The following CDYL variants were observed in gnomAD, a reference collection of about 807,000 sequenced individuals.
CDYL encodes chromodomain Y-like protein.
A neutral mutation model predicts 47.3 loss-of-function variants in CDYL; 8 were observed. The ratio of observed to expected loss-of-function variants is 0.17; its 90% CI spans 0.10 to 0.31. CDYL has a LOEUF of 0.31. CDYL is among the 10% of genes least tolerant of loss of function. The pLI, the probability that CDYL is intolerant of heterozygous loss-of-function variation, is 1.00. For synonymous variants in CDYL, 266 were observed against 265.0 expected (o/e 1.00, Z -0.04); for missense variants, 471 against 701.4 (o/e 0.67, Z 3.71).
At chr6:4,907,402 G>A (rs954708171) in intron 2 of CDYL, among the ~76,000 whole-genome samples, 5 of 152,144 alleles carry the variant, frequency 3.3e-5, no homozygotes, top group South Asian at 2.1e-4. Context: ...TCTCATCCAG[G>A]CTGGAGTACA....
chr6:4,757,598 A>G lies in CDYL; in HGVS notation c.186+22754A>G, dbSNP rs191662347. On this transcript the variant is annotated intron_variant, in intron 3 of 8. Transcript: ENST00000328908. ...TGTAACTTACTACTGCAGACCCAAT[A>G]TGAGAATTCAACTCTATTAACTCTC... is the stretch of plus-strand genomic sequence containing the variant. 3.6e-4 allele frequency among the ~76,000 whole-genome samples: 55 copies of G among 152,360 alleles called. No individual in the cohort carries two copies. The South Asian group carries it at 5.0e-3, about 14-fold the overall frequency.
Position 4,852,499 on chromosome 6 carries a change from CCTTCCTTCCTTCCAAT to C in CDYL, c.25-39200_25-39185del, listed in dbSNP as rs1351363055. On this transcript the variant is annotated intron_variant, in intron 1 of 6. Transcript: ENST00000397588. ...TCCTTCCTTCCTTCCTTCCAATCTTCCTTCCTTCCTTCCAATCTTCCTTCCTTCCTTCCAATCTTCC... is the reference window on the plus strand; with the variant it reads ...TCCTTCCTTCCTTCCTTCCAATCTTCCTTCCTTCCTTCCTTCCAATCTTCC... 3.9e-3 allele frequency among the ~76,000 whole-genome samples: 450 copies of C among 115,510 alleles called. 39 individuals carry two copies. Among genetic ancestry groups the C allele is most frequent in the African/African-American group, 0.015 (397 of 26,426 alleles). 75.8% of individuals were successfully genotyped at this position (115,510 alleles called of 152,430 possible).
In CDYL at chr6:4,825,889, T is replaced by G. The variant is rs115643014; in HGVS notation, c.24+49082T>G. On this transcript the variant is annotated intron_variant, in intron 1 of 6. Transcript: ENST00000397588. ...AAAGAGAGTCACCTGACACACATCTTCCTAGCTGAGACTGCCCATAACAAC... is the reference window on the plus strand; with the variant it reads ...AAAGAGAGTCACCTGACACACATCTGCCTAGCTGAGACTGCCCATAACAAC... Among the ~76,000 whole-genome samples, 742 of 150,784 alleles carry G rather than the reference T, an allele frequency of 4.9e-3. 5 individuals carry two copies. Among genetic ancestry groups the G allele is most frequent in the African/African-American group, 0.017 (691 of 41,064 alleles).
intron 1 of CDYL, among the ~76,000 whole-genome samples, chr6:4,805,006 G>A (rs1475980246): frequency 6.6e-6 from 1 of 152,076 alleles, no homozygotes; most frequent in African/African-American, 2.4e-5. Flanking sequence ...CATGGTTAAC[G>A]GTGTTAGCTA....
chr6:4,721,923 C>T (rs1353985289), intron 2 of CDYL, among the ~76,000 whole-genome samples: 7 of 151,640 alleles, frequency 4.6e-5, no homozygotes, highest in Non-Finnish European at 1.0e-4. Flanking sequence ...AATGCAGTAG[C>T]GTGATTTCGG....
intron 3 of CDYL, among the ~76,000 whole-genome samples, chr6:4,753,113 T>G (rs1758023503): frequency 6.6e-6 from 1 of 152,100 alleles, no homozygotes; most frequent in Admixed American, 6.6e-5. Context: ...GGTTTTGCCA[T>G]GTAGCTCGGG....
upstream of CDYL, among the ~76,000 whole-genome samples, chr6:4,772,656 C>T (rs959877090): frequency 3.9e-5 from 6 of 152,258 alleles, no homozygotes; most frequent in East Asian, 9.6e-4. Flanking sequence ...ATGACAAGAA[C>T]GGCATTTAAT....
At chr6:4,904,933 G>A (rs939275285) in intron 2 of CDYL, among the ~76,000 whole-genome samples, 2 of 152,084 alleles carry the variant, frequency 1.3e-5, no homozygotes, top group Non-Finnish European at 2.9e-5. Flanking sequence ...CACTGAAATG[G>A]AGGTGTTTAA....
intron 1 of CDYL, among the ~76,000 whole-genome samples, chr6:4,814,446 CAA>C (rs1307760244): frequency 6.6e-5 from 10 of 152,130 alleles, no homozygotes; most frequent in African/African-American, 2.2e-4. Flanking sequence ...TAACTTATAA[CAA>C]GAGGAAGTTC....
At chr6:4,739,096 G>A (rs746586597) in intron 3 of CDYL, among the ~76,000 whole-genome samples, 52 of 152,092 alleles carry the variant, frequency 3.4e-4, no homozygotes, top group African/African-American at 1.2e-3. Context: ...GGGAGGCGGA[G>A]GTTGCAGTGA....
chr6:4,898,477 C>G (rs947885589), intron 2 of CDYL, among the ~76,000 whole-genome samples: 2 of 152,158 alleles, frequency 1.3e-5, no homozygotes, highest in African/African-American at 4.8e-5. Context: ...CTTGCTTATT[C>G]TTTTCAAGAG....
intron 2 of CDYL, among the ~76,000 whole-genome samples, chr6:4,897,790 G>GTTTTGTTTTTT (rs75519192): frequency 0.063 from 8,771 of 140,160 alleles, 371 homozygotes; most frequent in Non-Finnish European, 0.086. Context: ...GAAGGTTTTT[G>GTTTTGTTTTTT]TTTTTTTTTT....
At chr6:4,933,131 G>A (rs761651881) in intron 2 of CDYL, among the ~76,000 whole-genome samples, 10 of 152,230 alleles carry the variant, frequency 6.6e-5, no homozygotes, top group Non-Finnish European at 8.8e-5. Context: ...CTCTGCCTGC[G>A]CCCCTCCCCA....
chr6:4,723,789 C>G (rs959345273), intron 2 of CDYL, among the ~76,000 whole-genome samples: 1 of 152,166 alleles, frequency 6.6e-6, no homozygotes, highest in East Asian at 1.9e-4. Flanking sequence ...ACTTAAAAAT[C>G]TAAGGGAAAC....
chr6:4,884,813 T>C lies in CDYL; in HGVS notation c.25-6900T>C, dbSNP rs550608095. Reference sequence around the variant, plus strand: ...ACCTGACTGTCTTTGTATTGCCCTGTAGGAATTACAGGCTCAGGTAACCGG... The same window carrying C: ...ACCTGACTGTCTTTGTATTGCCCTGCAGGAATTACAGGCTCAGGTAACCGG... On this transcript the variant is annotated intron_variant, in intron 1 of 6. Coordinates refer to ENST00000397588, the MANE Select transcript of CDYL (RefSeq NM_004824.4). Among the ~76,000 whole-genome samples, 7 of 152,266 alleles carry C rather than the reference T, an allele frequency of 4.6e-5. No homozygotes were observed. In the South Asian group the frequency reaches 1.5e-3, roughly 32 times the overall value.
intron 2 of CDYL, among the ~76,000 whole-genome samples, chr6:4,910,845 T>C (rs1279346349): frequency 6.6e-6 from 1 of 151,954 alleles, no homozygotes; most frequent in East Asian, 1.9e-4. Context: ...TTTTTTTTTT[T>C]TTCCCCAAGA....
At chr6:4,811,460 T>G (rs888941729) in intron 1 of CDYL, among the ~76,000 whole-genome samples, 1 of 152,196 alleles carries the variant, frequency 6.6e-6, no homozygotes. Context: ...GGATTCTTGT[T>G]TGAGGAGAGG....
intron 2 of CDYL, among the ~76,000 whole-genome samples, chr6:4,731,836 A>G (rs1443527151): frequency 1.3e-5 from 2 of 152,094 alleles, no homozygotes; most frequent in African/African-American, 4.8e-5. Flanking sequence ...AAAAAAAGAA[A>G]TCATTGCCTC....
rs1313212898 is a variant in CDYL at position 4,954,166 on chromosome 6, T to C, written c.*110T>C. On this transcript the variant is annotated 3_prime_UTR_variant, in exon 7 of 7. Transcript: ENST00000397588. ...GCCTGAAACAAGCTCACCCGTAGCT[T>C]ACGCTTGGAAGCAGGACTGGGAACA... 5 of 1,215,634 alleles carry C rather than the reference T, an allele frequency of 4.1e-6. No individual in the cohort carries two copies. The African/African-American group carries it at 7.5e-5, about 18-fold the overall frequency. The allele number at this position is 1,215,634 out of a possible 1,614,324, so 75.3% of individuals were successfully genotyped here. A position where few individuals can be genotyped will look rare whatever the true frequency, so the allele number is the denominator to read the frequency against.
Sources: allele counts gnomAD v4.1 joint callset (sites outside exome capture counted in the v4.1 genomes callset), GRCh38; gene constraint gnomAD v4.1.1; transcripts MANE v1.5; gene names NCBI Gene and HGNC (gene_info 2026-07-23, HGNC 2026-07-21).